Variants in MAP2 observed in about 807,000 individuals in gnomAD.
MAP2 encodes microtubule-associated protein 2.
MAP2 carries 14 observed loss-of-function variants against 137.6 expected under a neutral mutation model. The ratio of observed to expected loss-of-function variants is 0.10; its 90% CI spans 0.07 to 0.16. The LOEUF (loss-of-function observed/expected upper bound fraction) is 0.16. Among genes scored for constraint, MAP2 ranks in the 10% least tolerant of loss-of-function variants. MAP2 has a pLI of 1.00. For missense variants in MAP2, 2,088 were observed against 2,191.5 expected (o/e 0.95, Z 0.94); for synonymous variants, 786 against 782.3 (o/e 1.00, Z -0.08).
At chr2:209,669,472 T>G (rs1466780761) in intron 5 of MAP2, among the ~76,000 whole-genome samples, 1 of 152,080 alleles carries the variant, frequency 6.6e-6, no homozygotes, top group Non-Finnish European at 1.5e-5. Flanking sequence ...ACAAATATAG[T>G]TTCTCCTAGA....
At chr2:209,652,336 A>T (rs1454283322) in intron 4 of MAP2, among the ~76,000 whole-genome samples, 7 of 152,178 alleles carry the variant, frequency 4.6e-5, no homozygotes, top group Non-Finnish European at 1.0e-4. Context: ...ATGCCATAAG[A>T]TAGGATGTAG....
chr2:209,584,844 A>G (rs994360057), intron 3 of MAP2, among the ~76,000 whole-genome samples: 3 of 151,962 alleles, frequency 2.0e-5, no homozygotes, highest in Non-Finnish European at 2.9e-5. Flanking sequence ...AATGAACAGC[A>G]GAAGGACTCA....
intron 4 of MAP2, among the ~76,000 whole-genome samples, chr2:209,638,262 A>G (rs1269789057): frequency 1.3e-5 from 2 of 152,102 alleles, no homozygotes; most frequent in Non-Finnish European, 2.9e-5. Flanking sequence ...CTACTCAAAG[A>G]GAGAAGTCAA....
chr2:209,432,709 A>C (rs1694638936), intron 1 of MAP2, among the ~76,000 whole-genome samples: 1 of 152,146 alleles, frequency 6.6e-6, no homozygotes. Context: ...AGTAGATTGT[A>C]CAGAGTTTCT....
In MAP2 at chr2:209,697,107, A is replaced by T. The variant is rs575700616; in HGVS notation, c.4522+56A>T. Reference sequence around the variant, plus strand: ...AAACATAGACATGTATTTTTTTTTTAAATCTCATTACTGTAGCAGCTTCTT... The same window carrying T: ...AAACATAGACATGTATTTTTTTTTTTAATCTCATTACTGTAGCAGCTTCTT... On this transcript the variant is annotated intron_variant, in intron 10 of 15. Coordinates refer to ENST00000682079, the MANE Select transcript of MAP2 (RefSeq NM_001375505.1). 6.6e-4 allele frequency: 965 copies of T among 1,453,502 alleles called. 4 individuals are homozygous for T. The highest frequency in any genetic ancestry group is 3.6e-3 in the East Asian group (149 of 41,742). 90.0% of individuals were successfully genotyped at this position (1,453,502 alleles called of 1,614,324 possible). A position where few individuals can be genotyped will look rare whatever the true frequency, so the allele number is the denominator to read the frequency against.
chr2:209,726,337 CAT>C (rs1350832214), intron 14 of MAP2, among the ~76,000 whole-genome samples: 1 of 152,206 alleles, frequency 6.6e-6, no homozygotes, highest in Non-Finnish European at 1.5e-5. Flanking sequence ...CAAAATATCT[CAT>C]ACGACTAGTG....
rs181371176 is a variant in MAP2, at chr2:209,723,242, T to C, written c.5074-2467T>C. On this transcript the variant is annotated intron_variant, in intron 13 of 15. Coordinates refer to ENST00000682079, the MANE Select transcript of MAP2 (RefSeq NM_001375505.1). ...GAACAAGATTTAGTATTAACCACTA[T>C]TGAACCTTACCTAGAGTGAGCCTGA... Among the ~76,000 whole-genome samples the C allele has an allele frequency of 1.1e-3, 162 of 152,320 alleles. 1 individual carries two copies. The highest frequency in any genetic ancestry group is 9.0e-3 in the Admixed American group (138 of 15,310).
chr2:209,588,797 A>AT (rs2078451453), intron 3 of MAP2, among the ~76,000 whole-genome samples: 1 of 152,086 alleles, frequency 6.6e-6, no homozygotes, highest in Non-Finnish European at 1.5e-5. Flanking sequence ...TTAAAAAAAA[A>AT]CCTAAGTAGA....
intron 7 of MAP2, among the ~76,000 whole-genome samples, chr2:209,689,042 A>C (rs1258377492): frequency 1.3e-5 from 2 of 152,196 alleles, no homozygotes; most frequent in Non-Finnish European, 2.9e-5. Flanking sequence ...GATTTATACT[A>C]AATGAGAAAA....
chr2:209,434,676 G>A (rs2149319061), intron 1 of MAP2, among the ~76,000 whole-genome samples: 1 of 150,588 alleles, frequency 6.6e-6, no homozygotes, highest in Middle Eastern at 3.4e-3. Context: ...TTTTTAATTA[G>A]CCAGGTGTGA....
intron 5 of MAP2, among the ~76,000 whole-genome samples, chr2:209,669,081 C>T (rs926611339): frequency 6.6e-6 from 1 of 151,960 alleles, no homozygotes; most frequent in Non-Finnish European, 1.5e-5. Flanking sequence ...ACTTTTGTAG[C>T]TATAATGATA....
At chr2:209,635,247 G>A (rs2093450915) in intron 4 of MAP2, among the ~76,000 whole-genome samples, 1 of 152,016 alleles carries the variant, frequency 6.6e-6, no homozygotes, top group South Asian at 2.1e-4. Flanking sequence ...GGAATCAATT[G>A]ATTAATTAAT....
Position 209,692,958 on chromosome 2 carries a change from A to C in MAP2, c.788A>C (p.Lys263Thr). 1 of 1,614,070 alleles carries C rather than the reference A, an allele frequency of 6.2e-7. No individual in the cohort carries two copies. Among genetic ancestry groups the C allele is most frequent in the South Asian group, 1.1e-5 (1 of 91,070 alleles). Reference sequence around the variant, plus strand: ...GAGCCTCCAACTCCAAAAGAACAAAAGGACTGGTTCATCGAAATGCCAACG... The same window carrying C: ...GAGCCTCCAACTCCAAAAGAACAAACGGACTGGTTCATCGAAATGCCAACG... Reference protein sequence around the residue: ...PKEPPTPKEQKDWFIEMPTEA... With the variant: ...PKEPPTPKEQTDWFIEMPTEA... The change falls in exon 8 of 16, where the codon AAG (lysine) becomes ACG (threonine). Residue 263 changes from lysine (K) to threonine (T), a missense_variant. Around this residue, in one of 6 missense-constraint regions of MAP2, gnomAD observed 859 missense variants for 794.5 expected, o/e 1.08. Coordinates refer to ENST00000682079, the MANE Select transcript of MAP2 (RefSeq NM_001375505.1).
At chr2:209,492,656 C>A (rs1464188256) in intron 1 of MAP2, among the ~76,000 whole-genome samples, 1 of 151,912 alleles carries the variant, frequency 6.6e-6, no homozygotes, top group Non-Finnish European at 1.5e-5. Flanking sequence ...TAGACAGACA[C>A]AGAGCCAAAT....
At chr2:209,483,557 G>A (rs1428237136) in intron 1 of MAP2, among the ~76,000 whole-genome samples, 4 of 152,190 alleles carry the variant, frequency 2.6e-5, no homozygotes, top group African/African-American at 9.7e-5. Flanking sequence ...CTGGCTGATA[G>A]AGCGAGACTC....
intron 2 of MAP2, among the ~76,000 whole-genome samples, chr2:209,565,171 TGGATAACATGTATTAGGAG>T (rs2073113430): frequency 6.6e-6 from 1 of 152,196 alleles, no homozygotes; most frequent in South Asian, 2.1e-4. Flanking sequence ...TTAAGCTGCC[TGGATAACATGTATTAGGAG>T]GAATTGCAAA....
intron 1 of MAP2, among the ~76,000 whole-genome samples, chr2:209,471,057 A>G (rs182293712): frequency 3.3e-5 from 5 of 152,250 alleles, no homozygotes; most frequent in Admixed American, 6.5e-5. Flanking sequence ...AAATCTTTCT[A>G]TGACTGACAA....
chr2:209,602,998 G>A (rs911117753), intron 3 of MAP2, among the ~76,000 whole-genome samples: 2 of 152,168 alleles, frequency 1.3e-5, no homozygotes, highest in African/African-American at 4.8e-5. Context: ...GTGGCTTGAA[G>A]TGAAGCCATT....
chr2:209,600,210 C>G (rs1370942369), intron 3 of MAP2, among the ~76,000 whole-genome samples: 1 of 152,168 alleles, frequency 6.6e-6, no homozygotes, highest in African/African-American at 2.4e-5. Context: ...CCACACACAT[C>G]GACAGGTGAA....
Sources: gnomAD v4.1 joint callset for allele counts (sites outside exome capture counted in the v4.1 genomes callset) on GRCh38, gnomAD v4.1.1 for gene constraint, gnomAD v4.1.1 regional missense constraint, MANE v1.5 for transcripts, NCBI Gene and HGNC (gene_info 2026-07-23, HGNC 2026-07-21) for gene names.